ABCC2: variants seen among roughly 807,000 people sequenced by gnomAD.
ABCC2 encodes the protein ATP binding cassette subfamily C member 2.
A neutral mutation model predicts 173.4 loss-of-function variants in ABCC2; 157 were observed. The ratio of observed to expected loss-of-function variants is 0.91; its 90% confidence interval spans 0.80 to 1.03. ABCC2 has a LOEUF of 1.03. Among genes scored for constraint, ABCC2 ranks in the 50% least tolerant of loss-of-function variants. The pLI is 0.00. For synonymous variants in ABCC2, 657 were observed against 693.5 expected, an observed-to-expected ratio of 0.95 and a Z score of 0.83; for missense variants, 1,822 against 1,852.3, an observed-to-expected ratio of 0.98 and a Z score of 0.30.
At chr10:99,849,530 G>C (rs1344431607) in intron 30 of ABCC2, among the ~76,000 whole-genome samples, 1 of 152,170 alleles carries the variant, frequency 6.6e-6, no homozygotes, top group Non-Finnish European at 1.5e-5. Flanking sequence ...ACCTGGCCTG[G>C]GGGACTAAAA....
At chr10:99,788,889 G>C (rs1271690955) in intron 2 of ABCC2, 2 of 152,640 alleles carry the variant, frequency 1.3e-5, no homozygotes, top group African/African-American at 2.4e-5. Context: ...AAGAGTAGAG[G>C]CCTGGGTATT....
intron 24 of ABCC2, among the ~76,000 whole-genome samples, chr10:99,835,150 T>G (rs2038800419): frequency 6.6e-6 from 1 of 152,184 alleles, no homozygotes; most frequent in African/African-American, 2.4e-5. Flanking sequence ...GGGGAGGCTG[T>G]GGAGGAACTC....
At chr10:99,842,315 C>T (rs2038960464) in intron 26 of ABCC2, among the ~76,000 whole-genome samples, 1 of 152,102 alleles carries the variant, frequency 6.6e-6, no homozygotes. Context: ...AAATATTGAC[C>T]TTAGGGCTTA....
rs775644193 is a variant in ABCC2 at position 99,805,498 on chromosome 10, G to C, written c.1530+51G>C. The C allele has an allele frequency of 3.8e-6, 6 of 1,565,042 alleles. No individual in the cohort carries two copies. The Admixed American group carries it at 1.0e-4, about 26-fold the overall frequency. The stretch of plus-strand genomic sequence containing the variant: ...TCTGTGGGTAAGGACAGAAGCAGTG[G>C]CTCTCTTGGCCTTTGCAAACCCTGG... On this transcript the variant is annotated intron_variant, in intron 11 of 31. Coordinates refer to ENST00000647814, the MANE Select transcript of ABCC2 (RefSeq NM_000392.5).
chr10:99,825,973 G>A (rs2038631580), intron 19 of ABCC2, among the ~76,000 whole-genome samples: 1 of 152,204 alleles, frequency 6.6e-6, no homozygotes, highest in Admixed American at 6.5e-5. Flanking sequence ...GGGGCCTGAG[G>A]CTGGCCCCTT....
chr10:99,798,274 G>A (rs2037955545), intron 7 of ABCC2, among the ~76,000 whole-genome samples: 1 of 152,122 alleles, frequency 6.6e-6, no homozygotes, highest in African/African-American at 2.4e-5. Flanking sequence ...CATCAGATGG[G>A]ACCTCAGTGA....
intron 11 of ABCC2, among the ~76,000 whole-genome samples, chr10:99,806,807 A>C (rs1271645186): frequency 6.6e-6 from 1 of 152,218 alleles, no homozygotes; most frequent in African/African-American, 2.4e-5. Context: ...TATTGTTTTG[A>C]ATTAATACAT....
chr10:99,820,239 A>G (rs1292263613), intron 19 of ABCC2, among the ~76,000 whole-genome samples: 1 of 152,112 alleles, frequency 6.6e-6, no homozygotes, highest in Non-Finnish European at 1.5e-5. Flanking sequence ...TAAAAATACA[A>G]AATTAGCTGG....
At chr10:99,825,777 C>G (rs2038628027) in intron 19 of ABCC2, among the ~76,000 whole-genome samples, 1 of 152,166 alleles carries the variant, frequency 6.6e-6, no homozygotes, top group East Asian at 1.9e-4. Context: ...TGTGGGGGCT[C>G]CCCTGGAAGC....
chr10:99,795,161 G>T (rs1162498852), intron 6 of ABCC2, among the ~76,000 whole-genome samples: 1 of 152,024 alleles, frequency 6.6e-6, no homozygotes, highest in East Asian at 1.9e-4. Context: ...TTGGCAGGCT[G>T]GTGAAGTCTA....
At chr10:99,848,029 C>T (rs1268483087) in intron 30 of ABCC2, among the ~76,000 whole-genome samples, 1 of 152,204 alleles carries the variant, frequency 6.6e-6, no homozygotes, top group Non-Finnish European at 1.5e-5. Context: ...CCCAGCTGTG[C>T]ACAATCAGGA....
At chr10:99,820,050 G>A (rs1239148202) in intron 19 of ABCC2, among the ~76,000 whole-genome samples, 1 of 152,206 alleles carries the variant, frequency 6.6e-6, no homozygotes, top group Non-Finnish European at 1.5e-5. Context: ...CAGCCTACAA[G>A]TGACAGCATG....
Position 99,808,155 on chromosome 10 carries a change from A to G in ABCC2, c.1741A>G (p.Thr581Ala). Reference sequence around the variant, plus strand: ...TATTTTGGATGCACAAAAGGCCTTCACCTCCATTACCCTCTTCAATATCCT... The same window carrying G: ...TATTTTGGATGCACAAAAGGCCTTCGCCTCCATTACCCTCTTCAATATCCT... ...NNILDAQKAF[T>A]SITLFNILRF... The change falls in exon 13 of 32, where the codon ACC becomes GCC. Residue 581 changes from threonine to alanine, a missense_variant. Coordinates refer to ENST00000647814, the MANE Select transcript of ABCC2 (RefSeq NM_000392.5). 6.2e-7 allele frequency: 1 copy of G among 1,613,794 alleles called. No individual in the cohort carries two copies. Among genetic ancestry groups the G allele is most frequent in the South Asian group, 1.1e-5 (1 of 91,058 alleles).
intron 30 of ABCC2, among the ~76,000 whole-genome samples, chr10:99,849,494 G>T (rs1182754599): frequency 6.6e-6 from 1 of 152,170 alleles, no homozygotes; most frequent in Non-Finnish European, 1.5e-5. Flanking sequence ...TATTACCAAT[G>T]CCTTGATTTC....
intron 10 of ABCC2, among the ~76,000 whole-genome samples, chr10:99,804,766 GATTTATTCACTC>G (rs2038071843): frequency 6.6e-6 from 1 of 152,182 alleles, no homozygotes; most frequent in African/African-American, 2.4e-5. Context: ...CAGTGTATAT[GATTTATTCACTC>G]ATTTGTTTTG....
At chr10:99,836,535 C>T (rs1162520418) in intron 25 of ABCC2, among the ~76,000 whole-genome samples, 1 of 152,194 alleles carries the variant, frequency 6.6e-6, no homozygotes, top group Non-Finnish European at 1.5e-5. Flanking sequence ...ATCTCCATTT[C>T]TTTGTTTTTG....
At chr10:99,800,323 C>T in intron 8 of ABCC2, 63 bp from the exon 9 acceptor site, 2 of 1,555,066 alleles carry the variant, frequency 1.3e-6, no homozygotes, top group Non-Finnish European at 1.8e-6. Context: ...GCTGGCTGTG[C>T]ATGAGGAGAG....
intron 16 of ABCC2, among the ~76,000 whole-genome samples, chr10:99,816,011 C>A (rs867143081): frequency 5.3e-5 from 8 of 151,458 alleles, no homozygotes; most frequent in Non-Finnish European, 1.0e-4. Context: ...GTCTGTCACC[C>A]AGGCTGGAGT....
intron 19 of ABCC2, among the ~76,000 whole-genome samples, chr10:99,820,653 C>A (rs150982124): frequency 6.6e-6 from 1 of 152,052 alleles, no homozygotes; most frequent in East Asian, 1.9e-4. Flanking sequence ...AAGGAGAAGG[C>A]GGGAACAAAG....
Sources: allele counts gnomAD v4.1 joint callset (sites outside exome capture counted in the v4.1 genomes callset), GRCh38; gene constraint gnomAD v4.1.1; transcripts MANE v1.5; gene names NCBI Gene and HGNC (gene_info 2026-07-23, HGNC 2026-07-21).